CACNA1B: variants seen among roughly 807,000 people sequenced by gnomAD.
The protein encoded by CACNA1B is calcium voltage-gated channel subunit alpha1 B, also known as voltage-dependent N-type calcium channel subunit alpha-1B.
In CACNA1B, 70 loss-of-function variants were observed where a neutral mutation model predicts 247.2. That is an observed-to-expected ratio of 0.28 (90% CI 0.23 to 0.35). The LOEUF (loss-of-function observed/expected upper bound fraction) is 0.35, where lower values mean the gene tolerates loss of function less well. Among genes scored for constraint, CACNA1B ranks in the 10% least tolerant of loss-of-function variants. CACNA1B has a pLI of 1.00. For missense variants in CACNA1B, 2,367 were observed against 3,197.4 expected (o/e 0.74, Z 6.26); for synonymous variants, 1,231 against 1,294.4 (o/e 0.95, Z 1.05).
At position 138,014,538 on chromosome 9, in the gene CACNA1B, G is replaced by A. The variant is rs1195512760; in HGVS notation, c.2267+1303G>A. 6.6e-6 allele frequency among the ~76,000 whole-genome samples: 1 copy of A among 152,178 alleles called. No individual in the cohort carries two copies. Among genetic ancestry groups the A allele is most frequent in the East Asian group, 1.9e-4 (1 of 5,190 alleles). On this transcript the variant is annotated intron_variant, in intron 18 of 46. Transcript: ENST00000371372. This position sits in a 1 kb window ranked among gnomAD's most constrained non-coding sequence, Gnocchi z 6.2. ...AGTTGTTTAATTTCGATCTTTCATTGTCTTGGCCAATTCGGTTATTTGGTT... is the reference window on the plus strand; with the variant it reads ...AGTTGTTTAATTTCGATCTTTCATTATCTTGGCCAATTCGGTTATTTGGTT...
chr9:138,000,087 G>A (rs1052049192), intron 15 of CACNA1B, among the ~76,000 whole-genome samples: 9 of 146,834 alleles, frequency 6.1e-5, no homozygotes, highest in Admixed American at 2.2e-4. Flanking sequence ...ATTGGAAAGC[G>A]TAGATGAAAC....
chr9:138,091,975 G>A (rs1960895182), intron 36 of CACNA1B, among the ~76,000 whole-genome samples: 1 of 152,214 alleles, frequency 6.6e-6, no homozygotes, highest in South Asian at 2.1e-4. Flanking sequence ...TGCAAAACCA[G>A]CAAGTTTTTA....
At chr9:138,047,075 G>A in intron 22 of CACNA1B, 42 bp downstream of exon 22, 3 of 1,564,648 alleles carry the variant, frequency 1.9e-6, no homozygotes, top group Middle Eastern at 1.8e-4. Context: ...GGCTGTGGCG[G>A]GGGAGCTGGG....
intron 6 of CACNA1B, among the ~76,000 whole-genome samples, chr9:137,934,897 CTGACAATA>C (rs1466296314): frequency 6.6e-6 from 1 of 152,162 alleles, no homozygotes; most frequent in Non-Finnish European, 1.5e-5. Context: ...AAAACCAACT[CTGACAATA>C]TGACAAAACA....
Position 138,121,687 on chromosome 9 carries a change from C to G in CACNA1B, c.6708C>G (p.Asn2236Lys). The G allele has an allele frequency of 6.2e-7, 1 of 1,613,274 alleles. No individual in the cohort carries two copies. The highest frequency in any genetic ancestry group is 8.5e-7 in the Non-Finnish European group (1 of 1,179,652). ...TCAGCCGTGGGCTTTCCGAACACAA[C>G]GCCCTGCTGCAGAGAGACCCCCTCA... ...GRLSRGLSEH[N>K]ALLQRDPLSQ... Residue 2236 changes from asparagine (N) to lysine (K), a missense_variant, in exon 47 of 47, where the codon AAC becomes AAG. By Grantham distance (94) the Asn-to-Lys change is moderately conservative. Around this residue, in one of 12 missense-constraint regions of CACNA1B, gnomAD observed 773 missense variants for 779.4 expected, o/e 0.99. Transcript: ENST00000371372. The surrounding 1 kb of genome is among the most constrained non-coding windows in gnomAD (Gnocchi z 6.8).
intron 40 of CACNA1B, among the ~76,000 whole-genome samples, chr9:138,114,082 C>T (rs1484407808): frequency 6.6e-6 from 1 of 152,134 alleles, no homozygotes; most frequent in Non-Finnish European, 1.5e-5. Context: ...GGAGGAGACA[C>T]AGGAAGGGCC....
rs79021768 is a variant in CACNA1B at position 137,938,988 on chromosome 9, G to A, written c.967-13286G>A. ...TGGGAGGCTGAGGCAGGAGAATGGCGTGAACCCAGAGGTGGAGGTTGCAGT... is the reference window on the plus strand; with the variant it reads ...TGGGAGGCTGAGGCAGGAGAATGGCATGAACCCAGAGGTGGAGGTTGCAGT... On this transcript the variant is annotated intron_variant, in intron 6 of 46. Transcript: ENST00000371372. 3.6e-3 allele frequency among the ~76,000 whole-genome samples: 546 copies of A among 152,190 alleles called. 15 individuals carry two copies. In the East Asian group the frequency reaches 0.071, roughly 20 times the overall value.
Position 138,073,676 on chromosome 9 carries a change from T to C in CACNA1B, c.4791+72T>C, listed in dbSNP as rs1049705722. 15 of 888,246 alleles carry C rather than the reference T, an allele frequency of 1.7e-5. No homozygotes were observed. The highest frequency in any genetic ancestry group is 2.7e-5 in the Non-Finnish European group (14 of 525,892). 55.0% of individuals were successfully genotyped at this position (888,246 alleles called of 1,614,324 possible). A position where few individuals can be genotyped will look rare whatever the true frequency, so the allele number is the denominator to read the frequency against. Reference sequence around the variant, plus strand: ...CTTGCTTCCCCTGCCCCCACCACAGTGGCCCCTCCTTTGGGAGGCTGGGAG... The same window carrying C: ...CTTGCTTCCCCTGCCCCCACCACAGCGGCCCCTCCTTTGGGAGGCTGGGAG... On this transcript the variant is annotated intron_variant, in intron 33 of 46. Coordinates refer to ENST00000371372, the MANE Select transcript of CACNA1B (RefSeq NM_000718.4). This position sits in a 1 kb window ranked among gnomAD's most constrained non-coding sequence, Gnocchi z 6.4.
chr9:137,936,603 A>G (rs1957671724), intron 6 of CACNA1B, among the ~76,000 whole-genome samples: 2 of 152,126 alleles, frequency 1.3e-5, no homozygotes, highest in South Asian at 2.1e-4. Flanking sequence ...TAGGATTTTT[A>G]TGGTTTTAAG....
intron 39 of CACNA1B, among the ~76,000 whole-genome samples, chr9:138,110,664 C>G (rs906083104): frequency 6.6e-6 from 1 of 152,038 alleles, no homozygotes; most frequent in South Asian, 2.1e-4. Context: ...CCCAGGTGTT[C>G]GAGGTTCCAG....
chr9:138,001,318 C>G (rs979039961), intron 15 of CACNA1B, among the ~76,000 whole-genome samples: 6 of 86,554 alleles, frequency 6.9e-5, no homozygotes, highest in African/African-American at 6.1e-4. Context: ...AACCCTACAA[C>G]CAGGATGGGT....
At chr9:138,000,267 T>TG (rs1564230168) in intron 15 of CACNA1B, among the ~76,000 whole-genome samples, 2 of 151,986 alleles carry the variant, frequency 1.3e-5, no homozygotes, top group East Asian at 3.9e-4. Context: ...CCCGGCTAAT[T>TG]TTTTGTATTT....
intron 36 of CACNA1B, among the ~76,000 whole-genome samples, chr9:138,094,442 T>TAAAAAAA (rs753995157): frequency 3.2e-5 from 3 of 93,716 alleles, no homozygotes; most frequent in African/African-American, 7.1e-5. Flanking sequence ...TTTACTACAG[T>TAAAAAAA]AAAAAAAAAA....
Position 137,957,743 on chromosome 9 carries a change from A to G in CACNA1B, c.1333+56A>G. ...CAGGCTTGAGCTGGACATGGAGTGC[A>G]TGCTCCGCTTCCCCTGCTACCCAGC... is the stretch of plus-strand genomic sequence containing the variant. On this transcript the variant is annotated intron_variant, in intron 10 of 46. Transcript: ENST00000371372. This position sits in a 1 kb window ranked among gnomAD's most constrained non-coding sequence, Gnocchi z 4.7. The G allele has an allele frequency of 1.6e-6, 2 of 1,243,992 alleles. No individual in the cohort carries two copies. Among genetic ancestry groups the G allele is most frequent in the South Asian group, 1.5e-5 (1 of 68,394 alleles). 77.1% of individuals were successfully genotyped at this position (1,243,992 alleles called of 1,614,324 possible).
At chr9:137,976,219 C>T (rs1021588168) in intron 12 of CACNA1B, among the ~76,000 whole-genome samples, 200 bp downstream of exon 12, 1 of 152,264 alleles carries the variant, frequency 6.6e-6, no homozygotes, top group Non-Finnish European at 1.5e-5. Context: ...GGAGTGTCAG[C>T]CTCAGCAGCT....
chr9:137,908,873 C>T lies in CACNA1B; in HGVS notation c.531-4307C>T, dbSNP rs1025519682. On this transcript the variant is annotated intron_variant, in intron 3 of 46. Transcript: ENST00000371372. ...GTCTCGATCTCCTGACCTCGTGATC[C>T]GTCCGCCTCGGCCTCCCAAAGTGCT... Among the ~76,000 whole-genome samples the T allele has an allele frequency of 8.6e-5, 13 of 151,924 alleles. 1 individual carries two copies. Among genetic ancestry groups the T allele is most frequent in the Admixed American group, 6.6e-4 (10 of 15,252 alleles).
Position 137,881,024 on chromosome 9 carries a change from T to G in CACNA1B, c.391-1720T>G, listed in dbSNP as rs987095742. On this transcript the variant is annotated intron_variant, in intron 2 of 46. Coordinates refer to ENST00000371372, the MANE Select transcript of CACNA1B (RefSeq NM_000718.4). The surrounding 1 kb of genome is among the most constrained non-coding windows in gnomAD (Gnocchi z 4.3). The stretch of plus-strand genomic sequence containing the variant: ...AGCCATGGGCTGGGCAGGGCAGAGC[T>G]GTGAGGAGAGGGCTCGGGCTGGGGG... Among the ~76,000 whole-genome samples the G allele has an allele frequency of 3.9e-5, 6 of 152,196 alleles. No homozygotes were observed. Among genetic ancestry groups the G allele is most frequent in the African/African-American group, 1.2e-4 (5 of 41,458 alleles).
At chr9:137,878,260 G>T in intron 1 of CACNA1B, 43 bp downstream of exon 1, 1 of 1,167,090 alleles carries the variant, frequency 8.6e-7, no homozygotes, top group Non-Finnish European at 1.1e-6. Flanking sequence ...GCGGGGACCG[G>T]GGTGGGGGCC....
chr9:137,901,565 A>C (rs1407441376), intron 3 of CACNA1B, among the ~76,000 whole-genome samples: 1 of 151,984 alleles, frequency 6.6e-6, no homozygotes, highest in East Asian at 1.9e-4. Context: ...GTCAGAGTGG[A>C]CTGGGTACAA....
Sources: gnomAD v4.1 joint callset for allele counts (sites outside exome capture counted in the v4.1 genomes callset) on GRCh38, gnomAD v4.1.1 for gene constraint, gnomAD v4.1.1 regional missense constraint, Gnocchi (gnomAD v3.1) non-coding constraint, MANE v1.5 for transcripts, NCBI Gene and HGNC (gene_info 2026-07-23, HGNC 2026-07-21) for gene names.